The following ELAC2 variants were observed in gnomAD, a reference collection of about 807,000 sequenced individuals.
The protein encoded by ELAC2 is zinc phosphodiesterase ELAC protein 2.
In ELAC2, 92 loss-of-function variants were observed where a neutral mutation model predicts 105.2. That is an observed-to-expected ratio of 0.87 (90% CI 0.74 to 1.04). ELAC2 has a LOEUF of 1.04. Ranked by LOEUF, ELAC2 falls within the 50% of genes least tolerant of loss-of-function variation. The pLI is 0.00. For missense variants in ELAC2, 1,099 were observed against 1,071.7 expected, an observed-to-expected ratio of 1.03 and a Z score of -0.36; for synonymous variants, 468 against 409.1, an observed-to-expected ratio of 1.14 and a Z score of -1.74.
intron 8 of ELAC2, among the ~76,000 whole-genome samples, chr17:13,010,156 G>A (rs985610641): frequency 2.7e-5 from 4 of 150,918 alleles, no homozygotes. Context: ...CAGGCTCATT[G>A]CCAGTGTCAT....
chr17:13,002,119 T>C (rs1160256541), intron 14 of ELAC2, among the ~76,000 whole-genome samples, 155 bp downstream of exon 14: 3 of 152,242 alleles, frequency 2.0e-5, no homozygotes, highest in Non-Finnish European at 2.9e-5. Flanking sequence ...ATTAGCTTAT[T>C]GTCCGTGTTT....
Position 13,005,360 on chromosome 17 carries a change from G to A in ELAC2, c.871-259C>T, listed in dbSNP as rs548038857. 1.1e-4 allele frequency among the ~76,000 whole-genome samples: 16 copies of A among 152,328 alleles called. No homozygotes were observed. In the East Asian group the frequency reaches 2.9e-3, roughly 28 times the overall value. On this transcript the variant is annotated intron_variant, in intron 10 of 23. Transcript: ENST00000338034. Reference sequence around the variant, plus strand: ...TTGGCATTAAGGTTTTCTTCAGTCTGTGGCCACTGGTCCTAATGTCCTCAG... The same window carrying A: ...TTGGCATTAAGGTTTTCTTCAGTCTATGGCCACTGGTCCTAATGTCCTCAG...
intron 5 of ELAC2, 108 bp downstream of exon 5, chr17:13,014,331 A>T (rs2143677473): frequency 1.3e-6 from 1 of 792,014 alleles, no homozygotes; most frequent in Non-Finnish European, 2.2e-6. Context: ...GTGATGAAGC[A>T]TTTGATTTTG....
chr17:12,995,344 G>T (rs1182164438), intron 19 of ELAC2, among the ~76,000 whole-genome samples: 1 of 152,154 alleles, frequency 6.6e-6, no homozygotes, highest in Non-Finnish European at 1.5e-5. Context: ...GGGTGAGGAT[G>T]GTGCCACCTG....
At chr17:12,995,681 C>G in intron 19 of ELAC2, 22 bp downstream of exon 19, 1 of 1,595,284 alleles carries the variant, frequency 6.3e-7, no homozygotes, top group African/African-American at 1.3e-5. Context: ...GCCCAGCGGG[C>G]CAGGCTGCCC....
chr17:13,003,520 T>C lies in ELAC2; in HGVS notation c.1038A>G (p.Ala346=), dbSNP rs747079178. 2 of 1,614,200 alleles carry C rather than the reference T, an allele frequency of 1.2e-6. No individual in the cohort carries two copies. The highest frequency in any genetic ancestry group is 1.1e-5 in the South Asian group (1 of 91,090). The part of the protein sequence containing the change: ...PVALVVHMAP[A]SVLVDSRYQQ... ...GGTACCTGCTGTCCACAAGCACAGA[T>C]GCTGGGGCCATGTGAACCACCAAGG... is the stretch of plus-strand genomic sequence containing the variant. Residue 346 remains alanine (A), a synonymous_variant, in exon 12 of 24, where the codon GCA becomes GCG. Coordinates refer to ENST00000338034, the MANE Select transcript of ELAC2 (RefSeq NM_018127.7).
chr17:12,997,098 C>T (rs1425239329), intron 16 of ELAC2, among the ~76,000 whole-genome samples: 1 of 152,178 alleles, frequency 6.6e-6, no homozygotes, highest in Non-Finnish European at 1.5e-5. Flanking sequence ...TGCCATCGGA[C>T]TTTTCCCCCT....
chr17:13,017,927 C>T lies in ELAC2; in HGVS notation c.21G>A (p.Leu7=), dbSNP rs2041843205. ...TGGTGCGTCCGGCCGCGGACCGCAG[C>T]AGCGAGCAAAGCGCCCACATGCGCC... MWALCS[L]LRSAAGRTMS... Residue 7 remains leucine, a synonymous_variant, in exon 1 of 24, where the codon CTG becomes CTA. Transcript: ENST00000338034. 6.5e-7 allele frequency: 1 copy of T among 1,539,626 alleles called. No individual in the cohort carries two copies. The highest frequency in any genetic ancestry group is 2.0e-5 in the Admixed American group (1 of 51,032).
At position 12,995,007 on chromosome 17, in the gene ELAC2, C is replaced by A. The variant is rs761359247; in HGVS notation, c.1864G>T (p.Glu622Ter). Reference sequence around the variant, plus strand: ...CGCAACAGCGAACTGATCAATCTTTCCACTGCAGGACTGGAGATCTCAGCC... The same window carrying A: ...CGCAACAGCGAACTGATCAATCTTTACACTGCAGGACTGGAGATCTCAGCC... ...EGAEISSPAV[E>*]RLISSLLRTC... The change falls in exon 20 of 24, where the codon GAA (glutamate) becomes TAA (stop). Residue 622 changes from glutamate to a stop codon, truncating the protein, a stop_gained. Transcript: ENST00000338034. LOFTEE classifies it high-confidence loss of function. The A allele has an allele frequency of 2.5e-6, 4 of 1,614,114 alleles. No individual in the cohort carries two copies. In the East Asian group the frequency reaches 8.9e-5, roughly 36 times the overall value.
chr17:13,011,164 C>T (rs1331957443), intron 7 of ELAC2, among the ~76,000 whole-genome samples: 1 of 152,142 alleles, frequency 6.6e-6, no homozygotes, highest in Non-Finnish European at 1.5e-5. Context: ...CCAACGCTGA[C>T]CTTCTGTTAA....
intron 8 of ELAC2, among the ~76,000 whole-genome samples, chr17:13,009,827 A>G (rs552604265): frequency 3.3e-5 from 5 of 152,086 alleles, no homozygotes; most frequent in Non-Finnish European, 7.4e-5. Context: ...CATCTCTACT[A>G]AAAATACAAA....
At position 12,992,139 on chromosome 17, in the gene ELAC2, AT is replaced by A. The variant is rs960799138; in HGVS notation, c.*678del. 6.6e-6 allele frequency among the ~76,000 whole-genome samples: 1 copy of A among 150,532 alleles called. No homozygotes were observed. Among genetic ancestry groups the A allele is most frequent in the Non-Finnish European group, 1.5e-5 (1 of 67,796 alleles). The stretch of plus-strand genomic sequence containing the variant: ...TCTCACTGATTGATTTGATTGATTG[AT>A]TGATTGATTGATAGAGAAAGCACGC... On this transcript the variant is annotated 3_prime_UTR_variant, in exon 24 of 24. Coordinates refer to ENST00000338034, the MANE Select transcript of ELAC2 (RefSeq NM_018127.7).
chr17:13,008,341 C>T (rs2041223318), intron 8 of ELAC2, among the ~76,000 whole-genome samples: 1 of 150,986 alleles, frequency 6.6e-6, no homozygotes, highest in African/African-American at 2.4e-5. Flanking sequence ...GAAACCCCGT[C>T]TCTACTAAAA....
chr17:13,005,810 G>C lies in ELAC2; in HGVS notation c.813C>G (p.Ile271Met), dbSNP rs750254682. The change falls in exon 10 of 24, where the codon ATC becomes ATG. Residue 271 changes from isoleucine (I) to methionine (M), a missense_variant. Physicochemically the swap from Ile to Met is conservative, Grantham distance 10 (BLOSUM62 1). Transcript: ENST00000338034. ...EMGLPVGTAA[I>M]APIIAAVKDG... ...CCTTGACAGCAGCAATGATGGGAGC[G>C]ATGGCAGCTGTCCCACTGAAATGAA... is the stretch of plus-strand genomic sequence containing the variant. 6.2e-7 allele frequency: 1 copy of C among 1,614,146 alleles called. No individual in the cohort carries two copies. Among genetic ancestry groups the C allele is most frequent in the Non-Finnish European group, 8.5e-7 (1 of 1,180,034 alleles).
chr17:12,994,570 T>C, intron 21 of ELAC2, 67 bp from the exon 22 acceptor site: 1 of 1,603,394 alleles, frequency 6.2e-7, no homozygotes, highest in Non-Finnish European at 8.5e-7. Flanking sequence ...CTCAGTCACG[T>C]GCTGTTTCCT....
At position 12,997,074 on chromosome 17, in the gene ELAC2, T is replaced by C. The variant is rs113087665; in HGVS notation, c.1521-389A>G. ...ACAGGCACTGGGCCATATGAGACTCTTTCTAGGTCCAGCTGCCATCGGACT... is the reference window on the plus strand; with the variant it reads ...ACAGGCACTGGGCCATATGAGACTCCTTCTAGGTCCAGCTGCCATCGGACT... On this transcript the variant is annotated intron_variant, in intron 16 of 23. Coordinates refer to ENST00000338034, the MANE Select transcript of ELAC2 (RefSeq NM_018127.7). 3.5e-3 allele frequency among the ~76,000 whole-genome samples: 534 copies of C among 152,264 alleles called. 2 individuals carry two copies. The highest frequency in any genetic ancestry group is 0.012 in the African/African-American group (492 of 41,556).
chr17:13,013,210 G>A lies in ELAC2; in HGVS notation c.556C>T (p.His186Tyr). 1 of 1,614,180 alleles carries A rather than the reference G, an allele frequency of 6.2e-7. No homozygotes were observed. The highest frequency in any genetic ancestry group is 8.5e-7 in the Non-Finnish European group (1 of 1,180,028). Reference protein sequence around the residue: ...ETMTVYQIPIHSEQRRGKHQP... With the variant: ...ETMTVYQIPIYSEQRRGKHQP... Reference sequence around the variant, plus strand: ...GAAACCTGGCTTTCATACTCACTGTGTATGGGGATCTGGTAAACTGTCATG... The same window carrying A: ...GAAACCTGGCTTTCATACTCACTGTATATGGGGATCTGGTAAACTGTCATG... Residue 186 changes from histidine to tyrosine, a missense_variant, in exon 6 of 24, where the codon CAC becomes TAC. His to Tyr is a moderately conservative substitution (Grantham distance 83). Coordinates refer to ENST00000338034, the MANE Select transcript of ELAC2 (RefSeq NM_018127.7).
rs138792410 is a variant in ELAC2 at position 13,006,254 on chromosome 17, C to T, written c.739-275G>A. 4.6e-3 allele frequency: 1,954 copies of T among 420,974 alleles called. 32 individuals are homozygous for T. Among genetic ancestry groups the T allele is most frequent in the African/African-American group, 0.036 (1,802 of 49,398 alleles). 26.1% of individuals were successfully genotyped at this position (420,974 alleles called of 1,614,324 possible). A position where few individuals can be genotyped will look rare whatever the true frequency, so the allele number is the denominator to read the frequency against. On this transcript the variant is annotated intron_variant, in intron 8 of 23. Coordinates refer to ENST00000338034, the MANE Select transcript of ELAC2 (RefSeq NM_018127.7). ...GCGTGGTGGCACGTGCCTGTAATCC[C>T]AGCAACTCAGGAAGCTGAGGCAGGA...
At position 13,010,650 on chromosome 17, in the gene ELAC2, A is replaced by C; in HGVS notation, c.701T>G (p.Val234Gly). ...LPHGVSQRRG[V>G]RDSSLVVAFI... is the part of the protein sequence containing the mutation. ...AGCTACGACCAGGGAAGAGTCCCTG[A>C]CCCCTCTTCTCTGGCTAACACCTGA... Residue 234 changes from valine (V) to glycine (G), a missense_variant, in exon 8 of 24, where the codon GTC becomes GGC. Physicochemically the swap from Val to Gly is moderately radical, Grantham distance 109. Transcript: ENST00000338034. 1 of 1,614,056 alleles carries C rather than the reference A, an allele frequency of 6.2e-7. No individual in the cohort carries two copies.
Sources: gnomAD v4.1 joint callset for allele counts (sites outside exome capture counted in the v4.1 genomes callset) on GRCh38, gnomAD v4.1.1 for gene constraint, MANE v1.5 for transcripts, NCBI Gene and HGNC (gene_info 2026-07-23, HGNC 2026-07-21) for gene names.